BBOX1: variants seen among roughly 807,000 people sequenced by gnomAD.
The protein encoded by BBOX1 is gamma-butyrobetaine hydroxylase 1, also known as gamma-butyrobetaine dioxygenase.
Under a neutral mutation model 41.6 loss-of-function variants are expected in BBOX1, and 35 were observed. The observed-to-expected ratio is 0.84, with a 90% CI of 0.64 to 1.11. The LOEUF (loss-of-function observed/expected upper bound fraction) is 1.11, where lower values mean the gene tolerates loss of function less well. BBOX1 is among the 50% of genes most tolerant of loss of function. The pLI, the probability that BBOX1 is intolerant of heterozygous loss-of-function variation, is 0.00. For missense variants in BBOX1, 458 were observed against 460.6 expected, an observed-to-expected ratio of 0.99 and a Z score of 0.05; for synonymous variants, 163 against 154.7, an observed-to-expected ratio of 1.05 and a Z score of -0.40.
chr11:27,125,868 A>G lies in BBOX1; in HGVS notation c.1003+48A>G, dbSNP rs144237620. 467 of 1,567,716 alleles carry G rather than the reference A, an allele frequency of 3.0e-4. 2 individuals are homozygous for G. In the African/African-American group the frequency reaches 5.7e-3, roughly 19 times the overall value. ...ATAACCAAAAGCATGGATTTTCTTCAACCTTAACCACCTAGAATTATATCC... is the reference window on the plus strand; with the variant it reads ...ATAACCAAAAGCATGGATTTTCTTCGACCTTAACCACCTAGAATTATATCC... On this transcript the variant is annotated intron_variant, in intron 8 of 8. Coordinates refer to ENST00000263182, the MANE Select transcript of BBOX1 (RefSeq NM_003986.3).
At chr11:27,115,367 TC>T in intron 5 of BBOX1, 84 bp from the exon 6 acceptor site, 4 of 1,087,246 alleles carry the variant, frequency 3.7e-6, no homozygotes, top group Non-Finnish European at 5.2e-6. Context: ...AGTTTCCATT[TC>T]TCCCCACATA....
chr11:27,118,186 G>A (rs531682133), intron 6 of BBOX1, among the ~76,000 whole-genome samples: 1 of 151,946 alleles, frequency 6.6e-6, no homozygotes, highest in Non-Finnish European at 1.5e-5. Flanking sequence ...AAGAGGCAAA[G>A]AAGTGCAACA....
intron 5 of BBOX1, among the ~76,000 whole-genome samples, chr11:27,100,855 A>AC (rs1157220432): frequency 2.0e-5 from 3 of 151,114 alleles, no homozygotes; most frequent in Non-Finnish European, 2.9e-5. Context: ...ACCCCACCCC[A>AC]CCCCCAGCAC....
intron 2 of BBOX1, among the ~76,000 whole-genome samples, chr11:27,044,538 G>C (rs1269995155): frequency 6.6e-6 from 1 of 152,108 alleles, no homozygotes; most frequent in African/African-American, 2.4e-5. Flanking sequence ...TATTGCCTAG[G>C]TTTTCTTCTA....
chr11:27,077,556 A>C (rs10767604), intron 4 of BBOX1, among the ~76,000 whole-genome samples: 89,146 of 149,426 alleles, frequency 0.6, 29,272 homozygotes, highest in East Asian at 0.94. Context: ...GAATCTCTAC[A>C]CACTATTTCG....
At chr11:27,118,505 AC>A (rs556218486) in intron 6 of BBOX1, among the ~76,000 whole-genome samples, 108 of 152,148 alleles carry the variant, frequency 7.1e-4, no homozygotes, top group African/African-American at 2.6e-3. Context: ...GAGATAAGGC[AC>A]CACATCTTTA....
intron 4 of BBOX1, among the ~76,000 whole-genome samples, chr11:27,082,472 A>T (rs1312863299): frequency 6.6e-6 from 1 of 152,120 alleles, no homozygotes; most frequent in Admixed American, 6.6e-5. Flanking sequence ...GCCAACTCTA[A>T]GGAAGTCTGG....
chr11:27,044,092 C>T (rs1240057778), intron 2 of BBOX1, among the ~76,000 whole-genome samples: 1 of 152,162 alleles, frequency 6.6e-6, no homozygotes, highest in Admixed American at 6.5e-5. Flanking sequence ...TCTCCACATC[C>T]TCTCTAGCAT....
chr11:27,101,892 T>A (rs1484901130), intron 5 of BBOX1, among the ~76,000 whole-genome samples: 2 of 152,126 alleles, frequency 1.3e-5, no homozygotes, highest in African/African-American at 4.8e-5. Flanking sequence ...AAGTATATGA[T>A]ACATTATTAT....
At position 27,125,725 on chromosome 11, in the gene BBOX1, C is replaced by T. The variant is rs1468495573; in HGVS notation, c.908C>T (p.Pro303Leu). The change falls in exon 8 of 9, where the codon CCT becomes CTT. Residue 303 changes from proline to leucine, a missense_variant. Transcript: ENST00000263182. The part of the protein sequence containing the change: ...NATRDTIFDV[P>L]VERVQPFYAA... ...ACTAGGGACACAATATTTGATGTGC[C>T]TGTTGAAAGAGTTCAGCCTTTTTAT... 9.9e-6 allele frequency: 16 copies of T among 1,612,802 alleles called. No individual in the cohort carries two copies. The highest frequency in any genetic ancestry group is 1.4e-5 in the Non-Finnish European group (16 of 1,179,304).
At chr11:27,062,988 G>C (rs915948924) in intron 4 of BBOX1, 1 of 152,310 alleles carries the variant, frequency 6.6e-6, no homozygotes, top group African/African-American at 2.4e-5. Context: ...CTTGATCGTG[G>C]CTCTGAGTTT....
At position 27,105,441 on chromosome 11, in the gene BBOX1, C is replaced by T. The variant is rs529752161; in HGVS notation, c.534-10011C>T. ...AAACCATGGCACGAGAACTACGTGA[C>T]GAATGCACAAGCTTCAGTTGCAAAT... On this transcript the variant is annotated intron_variant, in intron 5 of 8. Transcript: ENST00000263182. Among the ~76,000 whole-genome samples the T allele has an allele frequency of 3.3e-5, 5 of 152,046 alleles. No individual in the cohort carries two copies. The East Asian group carries it at 5.8e-4, about 18-fold the overall frequency.
intron 2 of BBOX1, among the ~76,000 whole-genome samples, chr11:27,049,585 G>T (rs544457560): frequency 1.3e-5 from 2 of 151,922 alleles, no homozygotes; most frequent in African/African-American, 2.4e-5. Context: ...TTTTATTTCT[G>T]TTGAGTTGTT....
intron 4 of BBOX1, among the ~76,000 whole-genome samples, chr11:27,076,344 G>A (rs754293254): frequency 6.6e-6 from 1 of 152,164 alleles, no homozygotes; most frequent in Non-Finnish European, 1.5e-5. Context: ...CTCAAATGCT[G>A]GCTGAAGAAG....
At chr11:27,126,944 G>C (rs572183226) in intron 8 of BBOX1, among the ~76,000 whole-genome samples, 26 of 152,228 alleles carry the variant, frequency 1.7e-4, no homozygotes, top group African/African-American at 6.3e-4. Flanking sequence ...AAAGTGCCGG[G>C]ATTACAGGCG....
chr11:27,092,991 G>A (rs7942200), intron 4 of BBOX1, among the ~76,000 whole-genome samples, 177 bp from the exon 5 acceptor site: 6,847 of 151,974 alleles, frequency 0.045, 239 homozygotes, highest in Non-Finnish European at 0.068. Context: ...TAACAGACTG[G>A]TGTGGTGCCA....
At chr11:27,105,268 G>A (rs1858822132) in intron 5 of BBOX1, among the ~76,000 whole-genome samples, 1 of 152,146 alleles carries the variant, frequency 6.6e-6, no homozygotes, top group South Asian at 2.1e-4. Context: ...AGAGAAGATG[G>A]CTTCAGACGA....
chr11:27,067,963 C>T (rs937101694), intron 4 of BBOX1, among the ~76,000 whole-genome samples: 1 of 151,910 alleles, frequency 6.6e-6, no homozygotes, highest in Non-Finnish European at 1.5e-5. Flanking sequence ...ACCATATTTT[C>T]TTTATCCATT....
chr11:27,083,689 AT>A (rs1188004617), intron 4 of BBOX1, among the ~76,000 whole-genome samples: 7 of 152,094 alleles, frequency 4.6e-5, no homozygotes, highest in Non-Finnish European at 5.9e-5. Context: ...ACTTGCCAAA[AT>A]TTTTATTCTT....
Sources: gnomAD v4.1 joint callset for allele counts (sites outside exome capture counted in the v4.1 genomes callset) on GRCh38, gnomAD v4.1.1 for gene constraint, MANE v1.5 for transcripts, NCBI Gene and HGNC (gene_info 2026-07-23, HGNC 2026-07-21) for gene names.